The following HERC3 variants were observed in gnomAD, a reference collection of about 807,000 sequenced individuals.
The protein encoded by HERC3 is HECT and RLD domain containing E3 ubiquitin protein ligase 3, also known as probable E3 ubiquitin-protein ligase HERC3.
A neutral mutation model predicts 129.9 loss-of-function variants in HERC3; 58 were observed. The ratio of observed to expected loss-of-function variants is 0.45; its 90% CI spans 0.36 to 0.56. The LOEUF is 0.56. Ranked by LOEUF, HERC3 falls within the 20% of genes least tolerant of loss-of-function variation. The pLI is 0.00. For missense variants in HERC3, 835 were observed against 1,244.2 expected, an observed-to-expected ratio of 0.67 and a Z score of 4.95; for synonymous variants, 430 against 451.0, an observed-to-expected ratio of 0.95 and a Z score of 0.59.
intron 19 of HERC3, among the ~76,000 whole-genome samples, chr4:88,679,320 T>C (rs1732501295): frequency 6.6e-6 from 1 of 152,190 alleles, no homozygotes; most frequent in Admixed American, 6.5e-5. Context: ...CCCTCTTCTC[T>C]TCTACATGCA....
the HERC3 span, among the ~76,000 whole-genome samples, chr4:88,553,839 A>G: frequency 6.6e-6 from 1 of 152,170 alleles, no homozygotes; most frequent in African/African-American, 2.4e-5. Context: ...CGGCCACCAT[A>G]TAATTTCTAT....
intron 3 of HERC3, among the ~76,000 whole-genome samples, chr4:88,637,997 G>T (rs1727619776): frequency 6.6e-6 from 1 of 152,106 alleles, no homozygotes; most frequent in African/African-American, 2.4e-5. Flanking sequence ...AGAAGAAATG[G>T]ACAAATACCT....
intron 16 of HERC3, among the ~76,000 whole-genome samples, chr4:88,673,621 C>T (rs904501421): frequency 3.9e-5 from 6 of 152,012 alleles, no homozygotes; most frequent in African/African-American, 1.5e-4. Flanking sequence ...CTTATCAGTT[C>T]GTATGCATCC....
In HERC3 at chr4:88,708,373, CT is replaced by C. The variant is rs1735935520; in HGVS notation, c.*1418del. ...CTTGATGAAGGATTGTAGATTTTTG[CT>C]TTTTCTTTTTGTTTTTAAAACTTAT... On this transcript the variant is annotated 3_prime_UTR_variant, in exon 26 of 26. Transcript: ENST00000402738. The C allele has an allele frequency of 6.6e-6, 1 of 152,272 alleles. No individual in the cohort carries two copies. Among genetic ancestry groups the C allele is most frequent in the South Asian group, 2.1e-4 (1 of 4,824 alleles). 9.4% of individuals were successfully genotyped at this position (152,272 alleles called of 1,614,324 possible).
the HERC3 span, among the ~76,000 whole-genome samples, chr4:88,555,015 G>T: frequency 7.7e-6 from 1 of 130,420 alleles, no homozygotes; most frequent in South Asian, 2.4e-4. Context: ...TGGCCGTGCA[G>T]TGGCTCATGC....
intron 11 of HERC3, 52 bp downstream of exon 11, chr4:88,662,607 T>C: frequency 6.4e-7 from 1 of 1,564,274 alleles, no homozygotes. Context: ...GTTACAACTT[T>C]TTAGCTTAGT....
At chr4:88,652,599 G>A (rs972243022) in intron 5 of HERC3, among the ~76,000 whole-genome samples, 5 of 152,130 alleles carry the variant, frequency 3.3e-5, no homozygotes, top group Admixed American at 2.6e-4. Flanking sequence ...TAATTGGCCT[G>A]TCCGAAATTG....
At chr4:88,617,218 T>C (rs2915428) in intron 3 of HERC3, among the ~76,000 whole-genome samples, 65,026 of 146,126 alleles carry the variant, frequency 0.45, 18,556 homozygotes, top group African/African-American at 0.81. Flanking sequence ...GAGAACCTTC[T>C]CTGAGGACAA....
At chr4:88,693,211 C>T in intron 23 of HERC3, 5 of 980,248 alleles carry the variant, frequency 5.1e-6, no homozygotes, top group Non-Finnish European at 6.1e-6. Flanking sequence ...CCCCCACCAC[C>T]ATTTTTAATA....
chr4:88,590,029 A>G (rs1033759403), upstream of HERC3, among the ~76,000 whole-genome samples: 12 of 152,126 alleles, frequency 7.9e-5, no homozygotes, highest in Non-Finnish European at 1.5e-4. Flanking sequence ...GCACTTTGGG[A>G]GGCCGAGGTG....
intron 2 of HERC3, among the ~76,000 whole-genome samples, chr4:88,595,974 C>G (rs538944713): frequency 6.6e-6 from 1 of 151,518 alleles, no homozygotes; most frequent in African/African-American, 2.4e-5. Flanking sequence ...CTCAGCCTCC[C>G]GAGTAGCTGG....
the HERC3 span, among the ~76,000 whole-genome samples, chr4:88,525,670 A>G: frequency 6.6e-6 from 1 of 152,248 alleles, no homozygotes; most frequent in Admixed American, 6.5e-5. Context: ...CCTCAAATTT[A>G]TAACACCAGA....
chr4:88,531,780 C>T, the HERC3 span, among the ~76,000 whole-genome samples: 3 of 152,292 alleles, frequency 2.0e-5, no homozygotes, highest in African/African-American at 7.2e-5. Context: ...AGTTGACACG[C>T]AGGTTCTGAC....
In HERC3 at chr4:88,681,726, G is replaced by C. The variant is rs559290693; in HGVS notation, c.2507+401G>C. Reference sequence around the variant, plus strand: ...AGGCAAAATAGATACACATATTTTGGGGGTACATGTGATAATATAATACAT... The same window carrying C: ...AGGCAAAATAGATACACATATTTTGCGGGTACATGTGATAATATAATACAT... On this transcript the variant is annotated intron_variant, in intron 21 of 25. Coordinates refer to ENST00000402738, the MANE Select transcript of HERC3 (RefSeq NM_014606.3). Among the ~76,000 whole-genome samples, 17 of 152,174 alleles carry C rather than the reference G, an allele frequency of 1.1e-4. No individual in the cohort carries two copies. In the South Asian group the frequency reaches 3.1e-3, roughly 28 times the overall value.
intron 3 of HERC3, among the ~76,000 whole-genome samples, chr4:88,644,231 C>T (rs1387051831): frequency 3.3e-5 from 5 of 151,928 alleles, no homozygotes; most frequent in Non-Finnish European, 5.9e-5. Context: ...TTTTTTCTTT[C>T]TTTTTTTTAA....
intron 21 of HERC3, among the ~76,000 whole-genome samples, chr4:88,681,608 C>T (rs1163380803): frequency 6.6e-6 from 1 of 152,188 alleles, no homozygotes; most frequent in African/African-American, 2.4e-5. Flanking sequence ...TAGAAGAACC[C>T]ATGGATTGGA....
chr4:88,633,836 G>A (rs1727041553), intron 3 of HERC3, among the ~76,000 whole-genome samples: 1 of 152,126 alleles, frequency 6.6e-6, no homozygotes, highest in Non-Finnish European at 1.5e-5. Flanking sequence ...CATATATTAT[G>A]CAAACACTAA....
intron 23 of HERC3, chr4:88,690,354 T>C (rs191553944): frequency 1.0e-6 from 1 of 985,426 alleles, no homozygotes; most frequent in Admixed American, 6.1e-5. Context: ...TTCCCTTCCC[T>C]CCTGGTTTTG....
At chr4:88,552,280 A>AT in the HERC3 span, among the ~76,000 whole-genome samples, 2 of 149,164 alleles carry the variant, frequency 1.3e-5, no homozygotes, top group African/African-American at 5.0e-5. Context: ...AACTTAAAGT[A>AT]TAAAAAAAAA....
Sources: gnomAD v4.1 joint callset for allele counts (sites outside exome capture counted in the v4.1 genomes callset) on GRCh38, gnomAD v4.1.1 for gene constraint, MANE v1.5 for transcripts, NCBI Gene and HGNC (gene_info 2026-07-23, HGNC 2026-07-21) for gene names.